The following PPP1R12A variants were observed in gnomAD, a reference collection of about 807,000 sequenced individuals.
PPP1R12A encodes myosin binding subunit.
In PPP1R12A, 19 loss-of-function variants were observed where a neutral mutation model predicts 139.6. That is an observed-to-expected ratio of 0.14 (90% CI 0.09 to 0.20). The LOEUF (loss-of-function observed/expected upper bound fraction) is 0.20, where lower values mean the gene tolerates loss of function less well. PPP1R12A is among the 10% of genes least tolerant of loss of function. PPP1R12A has a pLI of 1.00. For missense variants in PPP1R12A, 925 were observed against 1,211.5 expected, an observed-to-expected ratio of 0.76 and a Z score of 3.51; for synonymous variants, 427 against 420.6, an observed-to-expected ratio of 1.02 and a Z score of -0.19.
intron 12 of PPP1R12A, chr12:79,806,857 T>C (rs1873899938): frequency 6.0e-6 from 1 of 165,904 alleles, no homozygotes; most frequent in African/African-American, 2.4e-5. Context: ...TGAAGGCATT[T>C]CCATAGCTCT....
At chr12:79,858,335 T>C (rs1880921889) in intron 2 of PPP1R12A, among the ~76,000 whole-genome samples, 2 of 152,220 alleles carry the variant, frequency 1.3e-5, no homozygotes, top group Admixed American at 6.5e-5. Context: ...CCAAAAATTA[T>C]ATTATAAACA....
chr12:79,824,299 A>G (rs1016161510), intron 5 of PPP1R12A, among the ~76,000 whole-genome samples: 3 of 152,184 alleles, frequency 2.0e-5, no homozygotes, highest in Non-Finnish European at 4.4e-5. Flanking sequence ...AGATTATGTT[A>G]TGTGGAAATA....
intron 1 of PPP1R12A, among the ~76,000 whole-genome samples, chr12:79,882,834 C>T (rs905824138): frequency 1.3e-5 from 2 of 152,116 alleles, no homozygotes; most frequent in African/African-American, 4.8e-5. Context: ...CAGCAGCCAA[C>T]ATCAAGTCAA....
chr12:79,845,708 C>T (rs1395097739), intron 2 of PPP1R12A, among the ~76,000 whole-genome samples: 1 of 151,826 alleles, frequency 6.6e-6, no homozygotes, highest in African/African-American at 2.4e-5. Flanking sequence ...TGGTGGTGGG[C>T]GCCTGTAGTC....
intron 5 of PPP1R12A, among the ~76,000 whole-genome samples, chr12:79,824,814 G>A (rs1876566135): frequency 6.6e-6 from 1 of 152,066 alleles, no homozygotes; most frequent in Non-Finnish European, 1.5e-5. Flanking sequence ...ACACAATGCT[G>A]AGGTATGAGA....
chr12:79,835,914 AC>A (rs1418213378), intron 3 of PPP1R12A, among the ~76,000 whole-genome samples: 1 of 152,194 alleles, frequency 6.6e-6, no homozygotes, highest in Non-Finnish European at 1.5e-5. Flanking sequence ...GCTTATTAGC[AC>A]ATTACCATTT....
chr12:79,847,693 G>C (rs561809057), intron 2 of PPP1R12A, among the ~76,000 whole-genome samples: 1 of 152,172 alleles, frequency 6.6e-6, no homozygotes, highest in Admixed American at 6.5e-5. Flanking sequence ...ACAAATAAAT[G>C]TAAAGCTGTG....
rs1870647722 is a variant in PPP1R12A at position 79,782,982 on chromosome 12, CT to C, written c.2908-1121del. ...ATCTCTAGGACTTATAACCAAGTCA[CT>C]TTTTGATCCCTCTTTCACAATTTTT... On this transcript the variant is annotated intron_variant, in intron 22 of 24. Coordinates refer to ENST00000450142, the MANE Select transcript of PPP1R12A (RefSeq NM_002480.3). 2.0e-5 allele frequency among the ~76,000 whole-genome samples: 3 copies of C among 152,222 alleles called. No homozygotes were observed. In the South Asian group the frequency reaches 6.2e-4, roughly 32 times the overall value.
intron 1 of PPP1R12A, among the ~76,000 whole-genome samples, chr12:79,926,217 G>A (rs1224963835): frequency 1.3e-5 from 2 of 151,934 alleles, no homozygotes; most frequent in Admixed American, 6.5e-5. Context: ...ACAGAATCTC[G>A]CTCTGTCGCC....
chr12:79,926,673 AT>A (rs940164466), intron 1 of PPP1R12A, among the ~76,000 whole-genome samples: 13 of 152,052 alleles, frequency 8.5e-5, no homozygotes, highest in East Asian at 3.9e-4. Context: ...ATTGTGTCCA[AT>A]TTTTTTTAAT....
upstream of PPP1R12A, chr12:79,935,191 G>GT (rs777305905): frequency 2.8e-5 from 37 of 1,321,952 alleles, no homozygotes; most frequent in Non-Finnish European, 3.4e-5. Flanking sequence ...CCAATCTAAC[G>GT]TAACTTCGCG....
intron 1 of PPP1R12A, among the ~76,000 whole-genome samples, chr12:79,900,687 T>G (rs192806219): frequency 6.6e-6 from 1 of 152,330 alleles, no homozygotes; most frequent in Admixed American, 6.5e-5. Context: ...CGTAATTACA[T>G]GACTTTGGGG....
At chr12:79,805,822 A>G in intron 13 of PPP1R12A, 54 bp from the exon 14 acceptor site, 1 of 1,511,830 alleles carries the variant, frequency 6.6e-7, no homozygotes, top group South Asian at 1.2e-5. Context: ...CAGCTAAACA[A>G]TGAAAGCACT....
intron 1 of PPP1R12A, among the ~76,000 whole-genome samples, chr12:79,915,365 T>A (rs1359964923): frequency 6.6e-6 from 1 of 152,170 alleles, no homozygotes; most frequent in Non-Finnish European, 1.5e-5. Flanking sequence ...CCTTGGCAGG[T>A]CATTGCTAAG....
chr12:79,809,137 T>TA (rs1874214478), intron 10 of PPP1R12A, among the ~76,000 whole-genome samples: 1 of 151,992 alleles, frequency 6.6e-6, no homozygotes, highest in African/African-American at 2.4e-5. Flanking sequence ...AGTAAACTGA[T>TA]AAAAAAGCAA....
intron 2 of PPP1R12A, among the ~76,000 whole-genome samples, chr12:79,863,148 G>C (rs1256906355): frequency 6.6e-6 from 1 of 152,204 alleles, no homozygotes; most frequent in Non-Finnish European, 1.5e-5. Flanking sequence ...CCAGAAGAGA[G>C]TGGGGGCCGA....
At chr12:79,815,395 C>A (rs766155543) in intron 9 of PPP1R12A, among the ~76,000 whole-genome samples, 1 of 151,984 alleles carries the variant, frequency 6.6e-6, no homozygotes, top group Non-Finnish European at 1.5e-5. Flanking sequence ...GGTGGAGGTG[C>A]CTGTGATCCC....
chr12:79,807,413 A>C, intron 11 of PPP1R12A, 83 bp from the exon 12 acceptor site: 1 of 821,422 alleles, frequency 1.2e-6, no homozygotes, highest in South Asian at 1.6e-5. Context: ...ATATTAGTAT[A>C]AGCTGAAACT....
At chr12:79,841,029 A>G (rs1878637335) in intron 3 of PPP1R12A, among the ~76,000 whole-genome samples, 2 of 149,640 alleles carry the variant, frequency 1.3e-5, no homozygotes, top group South Asian at 4.2e-4. Flanking sequence ...TATGCTATGT[A>G]TGTCTCCAAT....
Sources: gnomAD v4.1 joint callset for allele counts (sites outside exome capture counted in the v4.1 genomes callset) on GRCh38, gnomAD v4.1.1 for gene constraint, MANE v1.5 for transcripts, NCBI Gene and HGNC (gene_info 2026-07-23, HGNC 2026-07-21) for gene names.